Variants in DLC1 observed in about 807,000 individuals in gnomAD.
The protein encoded by DLC1 is DLC1 Rho GTPase activating protein.
DLC1 carries 54 observed loss-of-function variants against 140.3 expected under a neutral mutation model. That is an observed-to-expected ratio of 0.38 (90% CI 0.31 to 0.48). DLC1 has a LOEUF of 0.48. Among genes scored for constraint, DLC1 ranks in the 20% least tolerant of loss-of-function variants. The pLI, the probability that DLC1 is intolerant of heterozygous loss-of-function variation, is 0.96. For missense variants in DLC1, 2,536 were observed against 1,907.0 expected (o/e 1.33, Z -6.14); for synonymous variants, 986 against 728.1 (o/e 1.35, Z -5.70).
intron 4 of DLC1, among the ~76,000 whole-genome samples, chr8:13,351,227 C>G (rs577692773): frequency 6.6e-6 from 1 of 152,150 alleles, no homozygotes; most frequent in Non-Finnish European, 1.5e-5. Context: ...TGAATTGATT[C>G]ATTTATCCCT....
At chr8:13,378,419 T>C (rs1037094590) in intron 4 of DLC1, among the ~76,000 whole-genome samples, 12 of 151,922 alleles carry the variant, frequency 7.9e-5, no homozygotes, top group Admixed American at 3.3e-4. Context: ...CAATCAAATT[T>C]GTGATCCAAG....
intron 5 of DLC1, among the ~76,000 whole-genome samples, chr8:13,167,178 G>A (rs1365058306): frequency 6.6e-6 from 1 of 152,174 alleles, no homozygotes; most frequent in African/African-American, 2.4e-5. Flanking sequence ...TCAGCAAGAA[G>A]ATAATTCAGA....
intron 1 of DLC1, among the ~76,000 whole-genome samples, chr8:13,552,949 T>C (rs1803914479): frequency 6.6e-6 from 1 of 151,632 alleles, no homozygotes; most frequent in Non-Finnish European, 1.5e-5. Context: ...TTTAATTTTA[T>C]GGAAAAGCAG....
At chr8:13,564,226 G>A (rs1269692929) in intron 1 of DLC1, among the ~76,000 whole-genome samples, 1 of 152,136 alleles carries the variant, frequency 6.6e-6, no homozygotes, top group Non-Finnish European at 1.5e-5. Flanking sequence ...GGAGATAATT[G>A]TGAGGTAAAA....
Position 13,084,605 on chromosome 8 carries a change from A to G in DLC1, c.*1206T>C, listed in dbSNP as rs1366130727. On this transcript the variant is annotated 3_prime_UTR_variant, in exon 18 of 18. Coordinates refer to ENST00000276297, the MANE Select transcript of DLC1 (RefSeq NM_182643.3). ...CTTAAATATATTTCCAGGGCATTCTAAAGGAAAAAAAAAAAAAAAGAAATG... is the reference window on the plus strand; with the variant it reads ...CTTAAATATATTTCCAGGGCATTCTGAAGGAAAAAAAAAAAAAAAGAAATG... The G allele has an allele frequency of 5.6e-5, 6 of 107,152 alleles. No homozygotes were observed. In the East Asian group the frequency reaches 2.0e-3, roughly 36 times the overall value. The allele number at this position is 107,152 out of a possible 1,614,324, so 6.6% of individuals were successfully genotyped here.
At chr8:13,266,055 A>G (rs1348825587) in intron 5 of DLC1, among the ~76,000 whole-genome samples, 1 of 152,198 alleles carries the variant, frequency 6.6e-6, no homozygotes, top group African/African-American at 2.4e-5. Context: ...TCATCAATTT[A>G]TACACATAAT....
intron 5 of DLC1, among the ~76,000 whole-genome samples, chr8:13,271,666 C>T (rs925559324): frequency 2.6e-5 from 4 of 152,074 alleles, no homozygotes; most frequent in Non-Finnish European, 5.9e-5. Context: ...TCTTCTTTCT[C>T]TTAAATATTT....
At chr8:13,597,980 C>G (rs75810959) in intron 1 of DLC1, among the ~76,000 whole-genome samples, 1 of 151,900 alleles carries the variant, frequency 6.6e-6, no homozygotes, top group African/African-American at 2.4e-5. Flanking sequence ...ATGTTTACAC[C>G]GAAAATAAAA....
chr8:13,374,000 A>G (rs1835847055), intron 4 of DLC1, among the ~76,000 whole-genome samples: 2 of 152,242 alleles, frequency 1.3e-5, no homozygotes, highest in South Asian at 4.1e-4. Flanking sequence ...ATTGTTTTCC[A>G]AAAGCCTTTA....
intron 2 of DLC1, among the ~76,000 whole-genome samples, chr8:13,493,553 A>G (rs1272456898): frequency 6.6e-6 from 1 of 152,218 alleles, no homozygotes; most frequent in African/African-American, 2.4e-5. Flanking sequence ...GTCTGAGAAC[A>G]TATGTGCTGA....
chr8:13,311,452 A>C (rs138586719), intron 4 of DLC1, among the ~76,000 whole-genome samples: 92 of 152,336 alleles, frequency 6.0e-4, no homozygotes, highest in African/African-American at 2.2e-3. Flanking sequence ...TGGTGTAAGG[A>C]TTGCCTTCAA....
intron 5 of DLC1, among the ~76,000 whole-genome samples, chr8:13,232,619 C>T (rs942805763): frequency 3.9e-5 from 6 of 152,196 alleles, no homozygotes; most frequent in South Asian, 2.1e-4. Context: ...GCATGAGCCA[C>T]GGTGCCCCGC....
rs1476183797 is a variant in DLC1 at position 13,143,846 on chromosome 8, G to GAGAGAGAGAGAGAGAGAC, written c.1349-28190_1349-28189insGTCTCTCTCTCTCTCTCT. ...AGAGAGAGAGAGAGAGAGAGAGAGA[G>GAGAGAGAGAGAGAGAGAC]AGAGAGACATAGACATGCCAAGGTT... On this transcript the variant is annotated intron_variant, in intron 5 of 17. Coordinates refer to ENST00000276297, the MANE Select transcript of DLC1 (RefSeq NM_182643.3). Among the ~76,000 whole-genome samples the GAGAGAGAGAGAGAGAGAC allele has an allele frequency of 8.2e-4, 122 of 148,484 alleles. 1 individual carries two copies. Among genetic ancestry groups the GAGAGAGAGAGAGAGAGAC allele is most frequent in the South Asian group, 1.7e-3 (8 of 4,584 alleles).
chr8:13,256,879 TAAAAAA>T (rs570193249), intron 5 of DLC1, among the ~76,000 whole-genome samples: 2 of 105,214 alleles, frequency 1.9e-5, no homozygotes, highest in African/African-American at 3.4e-5. Context: ...TCCCAGAACT[TAAAAAA>T]AAAAAAAAAA....
At chr8:13,331,262 ATGAT>A (rs1206930972) in intron 4 of DLC1, among the ~76,000 whole-genome samples, 6 of 152,330 alleles carry the variant, frequency 3.9e-5, no homozygotes, top group Non-Finnish European at 5.9e-5. Flanking sequence ...CTGGAAAATA[ATGAT>A]TGATAGGAGT....
At chr8:13,213,358 TAAC>T (rs1828037983) in intron 5 of DLC1, among the ~76,000 whole-genome samples, 1 of 152,280 alleles carries the variant, frequency 6.6e-6, no homozygotes, top group Admixed American at 6.5e-5. Context: ...TATATAGAAA[TAAC>T]AACAGAAGCC....
chr8:13,575,514 G>A (rs894330637), intron 1 of DLC1, among the ~76,000 whole-genome samples: 8 of 152,082 alleles, frequency 5.3e-5, no homozygotes, highest in African/African-American at 1.9e-4. Context: ...AAATAAGGGA[G>A]CATATGGGCT....
rs141619446 is a variant in DLC1, at chr8:13,562,476, T to A, written c.-126+42061A>T. 2.2e-3 allele frequency among the ~76,000 whole-genome samples: 334 copies of A among 152,336 alleles called. 3 individuals are homozygous for A. The highest frequency in any genetic ancestry group is 7.4e-3 in the African/African-American group (309 of 41,590). ...TTTATGCACATGAAATGGTGTTCAT[T>A]CTTACTGCTAATAAGAAGAATTCAA... On this transcript the variant is annotated intron_variant, in intron 1 of 1. Transcript: ENST00000631382.
At chr8:13,396,457 TA>T (rs1455724309) in intron 3 of DLC1, among the ~76,000 whole-genome samples, 1 of 152,184 alleles carries the variant, frequency 6.6e-6, no homozygotes. Flanking sequence ...TAATAACTTT[TA>T]AAAACTACCG....
Sources: gnomAD v4.1 joint callset for allele counts (sites outside exome capture counted in the v4.1 genomes callset) on GRCh38, gnomAD v4.1.1 for gene constraint, MANE v1.5 for transcripts, NCBI Gene and HGNC (gene_info 2026-07-23, HGNC 2026-07-21) for gene names.